Variants in PCDH15 observed in about 807,000 individuals in gnomAD.
The protein encoded by PCDH15 is protocadherin related 15.
Under a neutral mutation model 178.5 loss-of-function variants are expected in PCDH15, and 129 were observed. The observed-to-expected ratio is 0.72, with a 90% CI of 0.63 to 0.84. PCDH15 has a LOEUF of 0.84. PCDH15 is among the 40% of genes least tolerant of loss of function. The probability of loss-of-function intolerance (pLI) is 0.00; values close to 1 mark genes in which losing one functional copy is unlikely to be tolerated. For synonymous variants in PCDH15, 800 were observed against 732.0 expected, an observed-to-expected ratio of 1.09 and a Z score of -1.50; for missense variants, 2,230 against 2,099.9, an observed-to-expected ratio of 1.06 and a Z score of -1.21.
chr10:55,428,306 G>T (rs1368915343), intron 2 of PCDH15, among the ~76,000 whole-genome samples: 1 of 151,600 alleles, frequency 6.6e-6, no homozygotes, highest in Admixed American at 6.6e-5. Flanking sequence ...TATTTCTTCT[G>T]TAATATCTAT....
chr10:54,607,616 C>T (rs2092798882), intron 2 of PCDH15, among the ~76,000 whole-genome samples: 1 of 151,776 alleles, frequency 6.6e-6, no homozygotes. Context: ...AACCCATAGT[C>T]CTTACGATTA....
intron 1 of PCDH15, among the ~76,000 whole-genome samples, chr10:55,210,084 A>C (rs1840518847): frequency 6.6e-6 from 1 of 152,068 alleles, no homozygotes; most frequent in African/African-American, 2.4e-5. Flanking sequence ...GGTTTTGGGA[A>C]GAGGCATAAA....
chr10:54,895,599 T>C (rs1466623164), intron 3 of PCDH15, among the ~76,000 whole-genome samples: 1 of 152,216 alleles, frequency 6.6e-6, no homozygotes, highest in Non-Finnish European at 1.5e-5. Flanking sequence ...GTAATTTAAC[T>C]ATATGATGCC....
intron 8 of PCDH15, among the ~76,000 whole-genome samples, chr10:54,292,288 C>T (rs962522361): frequency 2.6e-5 from 4 of 152,148 alleles, no homozygotes; most frequent in Non-Finnish European, 4.4e-5. Flanking sequence ...ATGCTAAAAA[C>T]TCTCAATAAA....
chr10:53,954,149 A>C (rs1448237450), intron 23 of PCDH15, among the ~76,000 whole-genome samples: 1 of 152,194 alleles, frequency 6.6e-6, no homozygotes, highest in African/African-American at 2.4e-5. Context: ...ACTATGTGGA[A>C]GAAGGGGCTG....
At chr10:55,362,511 T>C (rs1238399469) in intron 2 of PCDH15, among the ~76,000 whole-genome samples, 2 of 152,130 alleles carry the variant, frequency 1.3e-5, no homozygotes, top group African/African-American at 4.8e-5. Context: ...ACACTGTAGT[T>C]GATTTGAATG....
At position 55,399,565 on chromosome 10, in the gene PCDH15, AATCAG is replaced by A. The variant is rs539171689; in HGVS notation, c.-156+228055_-156+228059del. Reference sequence around the variant, plus strand: ...TGCTTCAATCCCTAGAAGGTGTGAGAATCAGAGCAGCAGGAGTTTTTGAACCCACT... The same window carrying A: ...TGCTTCAATCCCTAGAAGGTGTGAGAAGCAGCAGGAGTTTTTGAACCCACT... On this transcript the variant is annotated intron_variant, in intron 2 of 5. Transcript: ENST00000613346. Among the ~76,000 whole-genome samples, 281 of 152,284 alleles carry A rather than the reference AATCAG, an allele frequency of 1.8e-3. 1 individual carries two copies. Among genetic ancestry groups the A allele is most frequent in the African/African-American group, 4.8e-3 (200 of 41,566 alleles).
At chr10:54,246,085 T>C (rs887198431) in intron 8 of PCDH15, among the ~76,000 whole-genome samples, 1 of 151,884 alleles carries the variant, frequency 6.6e-6, no homozygotes, top group Non-Finnish European at 1.5e-5. Flanking sequence ...TACATAAATA[T>C]TGAGAGGGAC....
intron 1 of PCDH15, among the ~76,000 whole-genome samples, chr10:54,681,454 TAAG>T (rs2094897581): frequency 6.6e-6 from 1 of 150,402 alleles, no homozygotes; most frequent in African/African-American, 2.4e-5. Flanking sequence ...GCTAAAGAGA[TAAG>T]AAGGAGTGAG....
At chr10:54,965,646 A>T (rs1838767462) in intron 2 of PCDH15, among the ~76,000 whole-genome samples, 1 of 147,788 alleles carries the variant, frequency 6.8e-6, no homozygotes, top group Non-Finnish European at 1.5e-5. Flanking sequence ...TATGTTGGGT[A>T]TATGTGGATT....
At chr10:55,580,071 G>A (rs937054245) in intron 2 of PCDH15, among the ~76,000 whole-genome samples, 1 of 152,070 alleles carries the variant, frequency 6.6e-6, no homozygotes, top group African/African-American at 2.4e-5. Flanking sequence ...AGGCCAAGCT[G>A]GTCTCCAACA....
intron 13 of PCDH15, among the ~76,000 whole-genome samples, chr10:54,182,611 G>A (rs2048095855): frequency 1.3e-5 from 2 of 151,752 alleles, no homozygotes; most frequent in African/African-American, 2.4e-5. Context: ...TAAAGATGTT[G>A]CCTGACTTAC....
In PCDH15 at chr10:54,105,317, T is replaced by TATATAC. The variant is rs1233590982; in HGVS notation, c.1918-15255_1918-15254insGTATAT. Among the ~76,000 whole-genome samples the TATATAC allele has an allele frequency of 3.7e-3, 342 of 91,438 alleles. 1 individual carries two copies. Among genetic ancestry groups the TATATAC allele is most frequent in the Middle Eastern group, 8.2e-3 (1 of 122 alleles). 60.0% of individuals were successfully genotyped at this position (91,438 alleles called of 152,430 possible). A position where few individuals can be genotyped will look rare whatever the true frequency, so the allele number is the denominator to read the frequency against. ...ATATATATATATATATATATATATA[T>TATATAC]ACACACACACATACATATATATACA... On this transcript the variant is annotated intron_variant, in intron 15 of 37. Coordinates refer to ENST00000644397, the MANE Select transcript of PCDH15 (RefSeq NM_001384140.1).
intron 2 of PCDH15, among the ~76,000 whole-genome samples, chr10:54,621,556 C>T (rs916019709): frequency 6.6e-6 from 1 of 151,910 alleles, no homozygotes. Context: ...GTCCAAAATC[C>T]GTGTAATTCT....
chr10:55,596,403 A>C (rs186807259), intron 2 of PCDH15, among the ~76,000 whole-genome samples: 4 of 152,212 alleles, frequency 2.6e-5, no homozygotes, highest in African/African-American at 9.6e-5. Context: ...TTTTAGAAAA[A>C]TTGTAAAGTA....
chr10:54,219,310 G>A (rs2052496320), intron 9 of PCDH15, among the ~76,000 whole-genome samples: 1 of 146,838 alleles, frequency 6.8e-6, no homozygotes, highest in Admixed American at 6.8e-5. Flanking sequence ...CTTAGGAGAG[G>A]CTGGGCGTGG....
chr10:54,450,370 T>G (rs888988494), intron 3 of PCDH15, among the ~76,000 whole-genome samples: 1 of 151,464 alleles, frequency 6.6e-6, no homozygotes, highest in African/African-American at 2.4e-5. Context: ...CATGGTTTCA[T>G]AAAATAAGAG....
intron 2 of PCDH15, among the ~76,000 whole-genome samples, chr10:55,477,840 C>T (rs150705748): frequency 6.6e-6 from 1 of 151,910 alleles, no homozygotes; most frequent in African/African-American, 2.4e-5. Flanking sequence ...AGTGCTCTTC[C>T]TGGCCTGACT....
intron 1 of PCDH15, among the ~76,000 whole-genome samples, chr10:55,230,772 AAG>A (rs752917388): frequency 6.6e-6 from 1 of 152,028 alleles, no homozygotes; most frequent in Non-Finnish European, 1.5e-5. Context: ...CTGTAATAGA[AAG>A]AGAGACTAAA....
Sources: gnomAD v4.1 joint callset for allele counts (sites outside exome capture counted in the v4.1 genomes callset) on GRCh38, gnomAD v4.1.1 for gene constraint, MANE v1.5 for transcripts, NCBI Gene and HGNC (gene_info 2026-07-23, HGNC 2026-07-21) for gene names.